The following DCAF4 variants were observed in gnomAD, a reference collection of about 807,000 sequenced individuals.
DCAF4 encodes DDB1- and CUL4-associated factor 4.
Under a neutral mutation model 60.9 loss-of-function variants are expected in DCAF4, and 37 were observed. The ratio of observed to expected loss-of-function variants is 0.61; its 90% CI spans 0.47 to 0.80. The LOEUF is 0.80. Among genes scored for constraint, DCAF4 ranks in the 30% least tolerant of loss-of-function variants. The probability of loss-of-function intolerance (pLI) is 0.00; values close to 1 mark genes in which losing one functional copy is unlikely to be tolerated. For synonymous variants in DCAF4, 243 were observed against 254.8 expected, an observed-to-expected ratio of 0.95 and a Z score of 0.44; for missense variants, 577 against 650.0, an observed-to-expected ratio of 0.89 and a Z score of 1.22.
chr14:72,936,813 G>A (rs1353166890), intron 1 of DCAF4, among the ~76,000 whole-genome samples: 1 of 152,184 alleles, frequency 6.6e-6, no homozygotes, highest in East Asian at 1.9e-4. Context: ...AAAAGAAAAG[G>A]ATCTAGGACA....
chr14:72,958,754 G>A lies in DCAF4; in HGVS notation c.1437G>A (p.Pro479=), dbSNP rs12882409. ...GGCTGGGGGGCTCCCGGGGCGCGCC[G>A]GGGCTGCTCATGGCTGTCGGGCAGG... ...SSRLGGSRGA[P]GLLMAVGQDL... Residue 479 remains proline (P), a synonymous_variant, in exon 14 of 14, where the codon CCG becomes CCA. Coordinates refer to ENST00000358377, the MANE Select transcript of DCAF4 (RefSeq NM_015604.4). 275,548 of 1,609,018 alleles carry A rather than the reference G, an allele frequency of 0.17. 24,812 individuals are homozygous for A. Among genetic ancestry groups the A allele is most frequent in the South Asian group, 0.23 (20,957 of 90,240 alleles).
intron 1 of DCAF4, among the ~76,000 whole-genome samples, chr14:72,927,343 C>CTTTTTTT (rs547199942): frequency 1.1e-5 from 1 of 87,346 alleles, no homozygotes; most frequent in Non-Finnish European, 2.2e-5. Context: ...CGGTGGTGTT[C>CTTTTTTT]TTTTTTTTTT....
chr14:72,952,884 G>A (rs1484454073), intron 9 of DCAF4, among the ~76,000 whole-genome samples: 5 of 151,030 alleles, frequency 3.3e-5, no homozygotes, highest in African/African-American at 9.7e-5. Context: ...TAGTAGAGAC[G>A]GGATTTCACC....
At chr14:72,936,141 T>C (rs924394235) in intron 1 of DCAF4, among the ~76,000 whole-genome samples, 6 of 152,162 alleles carry the variant, frequency 3.9e-5, no homozygotes, top group African/African-American at 1.4e-4. Flanking sequence ...CTGTGCGCAG[T>C]CCCTTTCAGC....
Position 72,930,992 on chromosome 14 carries a change from C to T in DCAF4, c.-9+4449C>T, listed in dbSNP as rs1472065899. Among the ~76,000 whole-genome samples the T allele has an allele frequency of 2.6e-5, 4 of 152,142 alleles. No homozygotes were observed. In the East Asian group the frequency reaches 7.7e-4, roughly 29 times the overall value. On this transcript the variant is annotated intron_variant, in intron 1 of 13. Transcript: ENST00000358377. ...TATTTCTATCCATATGCCAGTAACA[C>T]AGTGTCTTGATTACTGTAGCTGTGT...
At chr14:72,942,357 T>G (rs1890149610) in intron 5 of DCAF4, 1 of 155,040 alleles carries the variant, frequency 6.4e-6, no homozygotes, top group African/African-American at 2.4e-5. Flanking sequence ...TGGGGAACTG[T>G]CTGACTCCAA....
At chr14:72,941,272 CTATTTTAAA>C (rs1216617873) in intron 4 of DCAF4, among the ~76,000 whole-genome samples, 1 of 152,180 alleles carries the variant, frequency 6.6e-6, no homozygotes, top group Non-Finnish European at 1.5e-5. Context: ...TCCCAGCTGT[CTATTTTAAA>C]TAGAAGACCA....
At chr14:72,931,325 T>C (rs1236880407) in intron 1 of DCAF4, among the ~76,000 whole-genome samples, 2 of 151,902 alleles carry the variant, frequency 1.3e-5, no homozygotes, top group African/African-American at 4.8e-5. Flanking sequence ...TTATTCTTTT[T>C]GATGCCATTG....
At chr14:72,941,709 T>C in intron 4 of DCAF4, 36 bp from the exon 5 acceptor site, 7 of 1,582,106 alleles carry the variant, frequency 4.4e-6, no homozygotes, top group Non-Finnish European at 4.3e-6. Flanking sequence ...CAAATAAATC[T>C]TCATTGAATT....
intron 9 of DCAF4, among the ~76,000 whole-genome samples, chr14:72,953,826 G>GTGTGTGTGTATGTGTA (rs1306436881): frequency 2.3e-5 from 2 of 86,578 alleles, no homozygotes; most frequent in African/African-American, 9.1e-5. Flanking sequence ...GTGTGTGTGT[G>GTGTGTGTGTATGTGTA]TGTATATACA....
intron 7 of DCAF4, 74 bp downstream of exon 7, chr14:72,946,101 G>C: frequency 6.4e-7 from 1 of 1,556,516 alleles, no homozygotes; most frequent in Non-Finnish European, 8.8e-7. Context: ...GGGTAGAGGA[G>C]AGCAACTGGG....
chr14:72,927,495 G>A (rs1371061532), intron 1 of DCAF4, among the ~76,000 whole-genome samples: 1 of 152,130 alleles, frequency 6.6e-6, no homozygotes, highest in Non-Finnish European at 1.5e-5. Flanking sequence ...GGGGCTACAG[G>A]CGACCACCAC....
At chr14:72,942,934 C>T in intron 5 of DCAF4, 60 bp from the exon 6 acceptor site, 1 of 1,544,444 alleles carries the variant, frequency 6.5e-7, no homozygotes, top group South Asian at 1.2e-5. Flanking sequence ...CCAGAGACCC[C>T]CGAATCTTCT....
chr14:72,928,506 T>C (rs1278114825), intron 1 of DCAF4, among the ~76,000 whole-genome samples: 1 of 151,216 alleles, frequency 6.6e-6, no homozygotes, highest in Non-Finnish European at 1.5e-5. Context: ...GTCTACAGAC[T>C]CTTACAAAAT....
chr14:72,937,865 G>T (rs1889497544), intron 1 of DCAF4, 106 bp from the exon 2 acceptor site: 2 of 1,412,066 alleles, frequency 1.4e-6, no homozygotes, highest in Non-Finnish European at 1.8e-6. Flanking sequence ...CCCAGGGTGG[G>T]CCAGCCTTTT....
chr14:72,936,717 C>T (rs1037180445), intron 1 of DCAF4, among the ~76,000 whole-genome samples: 1 of 152,056 alleles, frequency 6.6e-6, no homozygotes, highest in Admixed American at 6.5e-5. Context: ...GAGATAGACA[C>T]GAAGCAGCAT....
At chr14:72,928,588 TATATATATATATATA>T (rs1888025576) in intron 1 of DCAF4, among the ~76,000 whole-genome samples, 1 of 146,690 alleles carries the variant, frequency 6.8e-6, no homozygotes, top group African/African-American at 2.6e-5. Flanking sequence ...ACATCCTTTA[TATATATATATATATA>T]TATATATATA....
At chr14:72,926,761 C>G (rs899193880) in intron 1 of DCAF4, 2 of 152,302 alleles carry the variant, frequency 1.3e-5, no homozygotes, top group Admixed American at 1.3e-4. Context: ...TGGGGCCCTC[C>G]GGCCGGATCA....
rs760522622 is a variant in DCAF4, at chr14:72,947,127, G to T, written c.679-15G>T. On this transcript the variant is annotated splice_polypyrimidine_tract_variant and intron_variant, in intron 7 of 13. Transcript: ENST00000358377. The stretch of plus-strand genomic sequence containing the variant: ...GTAGAATAACTTTCCATCTCGCTGT[G>T]TGCTTCCTCACCAGGTGAATTCGGT... 10 of 1,614,022 alleles carry T rather than the reference G, an allele frequency of 6.2e-6. No homozygotes were observed. The African/African-American group carries it at 6.7e-5, about 11-fold the overall frequency.
Sources: gnomAD v4.1 joint callset for allele counts (sites outside exome capture counted in the v4.1 genomes callset) on GRCh38, gnomAD v4.1.1 for gene constraint, MANE v1.5 for transcripts, NCBI Gene and HGNC (gene_info 2026-07-23, HGNC 2026-07-21) for gene names.